YAP1: variants seen among roughly 807,000 people sequenced by gnomAD.
YAP1 encodes the protein Yes1 associated transcriptional regulator.
Under a neutral mutation model 56.9 loss-of-function variants are expected in YAP1, and 5 were observed. That is an observed-to-expected ratio of 0.09 (90% confidence interval 0.05 to 0.18). YAP1 has a LOEUF of 0.18. Ranked by LOEUF, YAP1 falls within the 10% of genes least tolerant of loss-of-function variation. The probability of loss-of-function intolerance (pLI) is 1.00; values close to 1 mark genes in which losing one functional copy is unlikely to be tolerated. For synonymous variants in YAP1, 265 were observed against 248.1 expected, an observed-to-expected ratio of 1.07 and a Z score of -0.64; for missense variants, 539 against 651.8, an observed-to-expected ratio of 0.83 and a Z score of 1.88.
chr11:102,221,769 A>T (rs1949945581), intron 6 of YAP1, among the ~76,000 whole-genome samples: 1 of 152,162 alleles, frequency 6.6e-6, no homozygotes, highest in Non-Finnish European at 1.5e-5. Context: ...CTTATAACGT[A>T]ACTACTGTAG....
intron 2 of YAP1, among the ~76,000 whole-genome samples, chr11:102,142,464 TTTCTC>T (rs1393846665): frequency 1.3e-5 from 2 of 152,328 alleles, no homozygotes; most frequent in Non-Finnish European, 2.9e-5. Flanking sequence ...GATTTGTACT[TTTCTC>T]TTAGCATGAA....
rs1946353376 is a variant in YAP1 at position 102,162,565 on chromosome 11, G to T, written c.682G>T (p.Ala228Ser). Residue 228 changes from alanine (A) to serine (S), a missense_variant, in exon 3 of 9, where the codon GCT (alanine) becomes TCT (serine). Ala to Ser is a moderately conservative substitution (Grantham distance 99, BLOSUM62 1). Transcript: ENST00000282441. ...PPVQQNMMNS[A>S]SGPLPDGWEQ... Reference sequence around the variant, plus strand: ...AGTGCAGCAGAATATGATGAACTCGGCTTCAGGTGAGTGAGACACTGTAAT... The same window carrying T: ...AGTGCAGCAGAATATGATGAACTCGTCTTCAGGTGAGTGAGACACTGTAAT... 3.1e-6 allele frequency: 5 copies of T among 1,613,878 alleles called. No individual in the cohort carries two copies. Among genetic ancestry groups the T allele is most frequent in the African/African-American group, 1.3e-5 (1 of 74,912 alleles).
chr11:102,114,889 GCA>G (rs2135117948), intron 2 of YAP1, among the ~76,000 whole-genome samples: 1 of 152,228 alleles, frequency 6.6e-6, no homozygotes, highest in South Asian at 2.1e-4. Context: ...GAAATGACAA[GCA>G]CTACAACTGA....
At position 102,110,805 on chromosome 11, in the gene YAP1, C is replaced by A. The variant is rs902415336; in HGVS notation, c.-44C>A. On this transcript the variant is annotated 5_prime_UTR_variant, in exon 1 of 9. Transcript: ENST00000282441. ...AGCCGGGGCGTCCGGGCGTAGCCCT[C>A]GCTCGCCTGGGTCAGGGGGTGCGCG... 2 of 1,314,684 alleles carry A rather than the reference C, an allele frequency of 1.5e-6. No individual in the cohort carries two copies. The highest frequency in any genetic ancestry group is 1.6e-5 in the African/African-American group (1 of 64,240). The allele number at this position is 1,314,684 out of a possible 1,614,324, so 81.4% of individuals were successfully genotyped here.
At chr11:102,183,702 CTGTGTGTGTGTGTGTG>C (rs140546191) in intron 3 of YAP1, among the ~76,000 whole-genome samples, 2 of 141,714 alleles carry the variant, frequency 1.4e-5, no homozygotes, top group African/African-American at 2.7e-5. Flanking sequence ...AATGCTGTTT[CTGTGTGTGTGTGTGTG>C]TGTGTGTGTG....
chr11:102,174,596 TC>T (rs1947123596), intron 3 of YAP1, among the ~76,000 whole-genome samples: 1 of 151,016 alleles, frequency 6.6e-6, no homozygotes, highest in South Asian at 2.1e-4. Flanking sequence ...AAAAAAAAAA[TC>T]TATTATTTGT....
At chr11:102,216,048 C>A (rs1949646163) in intron 6 of YAP1, among the ~76,000 whole-genome samples, 1 of 152,122 alleles carries the variant, frequency 6.6e-6, no homozygotes, top group Non-Finnish European at 1.5e-5. Flanking sequence ...TTTCAGGAGG[C>A]AGAAGTGAAA....
chr11:102,145,768 T>C (rs1044805769), intron 2 of YAP1, among the ~76,000 whole-genome samples: 6 of 152,184 alleles, frequency 3.9e-5, no homozygotes, highest in African/African-American at 1.4e-4. Flanking sequence ...TTAATAATAC[T>C]TCATAAATTC....
intron 2 of YAP1, among the ~76,000 whole-genome samples, chr11:102,126,248 A>G (rs546324453): frequency 1.8e-4 from 27 of 152,200 alleles, no homozygotes; most frequent in Non-Finnish European, 4.0e-4. Context: ...AACAGTGACT[A>G]TTAGCAATTT....
intron 2 of YAP1, among the ~76,000 whole-genome samples, chr11:102,135,394 C>T (rs1001174930): frequency 6.6e-6 from 1 of 152,182 alleles, no homozygotes; most frequent in African/African-American, 2.4e-5. Flanking sequence ...TGATGGAGGT[C>T]ACTCAGTGCC....
chr11:102,127,765 G>C (rs889837826), intron 2 of YAP1, among the ~76,000 whole-genome samples: 11 of 152,202 alleles, frequency 7.2e-5, no homozygotes, highest in South Asian at 2.1e-4. Flanking sequence ...CAGGCACTCA[G>C]TGCCAGCCTG....
chr11:102,213,977 C>T (rs540429414), intron 6 of YAP1, among the ~76,000 whole-genome samples: 2 of 152,246 alleles, frequency 1.3e-5, no homozygotes, highest in Non-Finnish European at 2.9e-5. Flanking sequence ...ACTCAGGAGG[C>T]TGAGGTGGGA....
intron 3 of YAP1, among the ~76,000 whole-genome samples, chr11:102,165,760 C>T (rs1946568142): frequency 6.6e-6 from 1 of 152,070 alleles, no homozygotes; most frequent in African/African-American, 2.4e-5. Context: ...GTATGTTAAC[C>T]AGGGATAGGA....
chr11:102,145,352 A>G (rs779207766), intron 2 of YAP1, among the ~76,000 whole-genome samples: 2 of 152,190 alleles, frequency 1.3e-5, no homozygotes, highest in African/African-American at 2.4e-5. Context: ...GAGAGGTACA[A>G]TGTGAATAAT....
chr11:102,162,746 G>T (rs1946365853), intron 3 of YAP1, among the ~76,000 whole-genome samples, 175 bp downstream of exon 3: 2 of 152,150 alleles, frequency 1.3e-5, no homozygotes, highest in Admixed American at 1.3e-4. Context: ...CTATATTATT[G>T]CCTTGTATAG....
intron 2 of YAP1, among the ~76,000 whole-genome samples, chr11:102,151,158 A>G (rs1051887993): frequency 2.0e-5 from 3 of 152,138 alleles, no homozygotes; most frequent in Admixed American, 1.3e-4. Flanking sequence ...AGACTAGAAT[A>G]GTACTTCTCA....
intron 1 of YAP1, chr11:102,112,415 A>G (rs373251122): frequency 2.2e-6 from 2 of 929,244 alleles, no homozygotes; most frequent in Admixed American, 1.8e-4. Context: ...TTTCTTTTTT[A>G]TTTCTTCTTC....
Position 102,170,536 on chromosome 11 carries a change from CAT to C in YAP1, c.688+7969_688+7970del, listed in dbSNP as rs1166078050. Among the ~76,000 whole-genome samples, 15 of 152,218 alleles carry C rather than the reference CAT, an allele frequency of 9.9e-5. No homozygotes were observed. The East Asian group carries it at 2.7e-3, about 27-fold the overall frequency. Reference sequence around the variant, plus strand: ...AGATTATCTTCTAAAAAGGGGGAAACATATAGAAACTCAAGACTGTTGAGTGC... The same window carrying C: ...AGATTATCTTCTAAAAAGGGGGAAACATAGAAACTCAAGACTGTTGAGTGC... On this transcript the variant is annotated intron_variant, in intron 3 of 8. Transcript: ENST00000282441.
At chr11:102,112,387 T>C (rs562807165) in intron 1 of YAP1, 2 of 977,654 alleles carry the variant, frequency 2.0e-6, no homozygotes, top group African/African-American at 3.5e-5. Flanking sequence ...TTGTTTTGTG[T>C]AGGGTTCTCT....
Sources: allele counts gnomAD v4.1 joint callset (sites outside exome capture counted in the v4.1 genomes callset), GRCh38; gene constraint gnomAD v4.1.1; transcripts MANE v1.5; gene names NCBI Gene and HGNC (gene_info 2026-07-23, HGNC 2026-07-21).